LIMCH1: variants seen among roughly 807,000 people sequenced by gnomAD.
LIMCH1 encodes the protein LIM and calponin homology domains-containing protein 1.
In LIMCH1, 113 loss-of-function variants were observed where a neutral mutation model predicts 176.5. That is an observed-to-expected ratio of 0.64 (90% CI 0.55 to 0.75). The LOEUF is 0.75. Among genes scored for constraint, LIMCH1 ranks in the 30% least tolerant of loss-of-function variants. The probability of loss-of-function intolerance (pLI) is 0.00; values close to 1 mark genes in which losing one functional copy is unlikely to be tolerated. For synonymous variants in LIMCH1, 619 were observed against 645.9 expected (o/e 0.96, Z 0.63); for missense variants, 1,674 against 1,814.9 (o/e 0.92, Z 1.41).
At chr4:41,598,548 G>T (rs1226343588) in intron 1 of LIMCH1, among the ~76,000 whole-genome samples, 1 of 151,878 alleles carries the variant, frequency 6.6e-6, no homozygotes, top group African/African-American at 2.4e-5. Context: ...AGAAAGAAAA[G>T]AAAAGAAATC....
chr4:41,684,144 A>G (rs1474752996), intron 26 of LIMCH1, among the ~76,000 whole-genome samples: 4 of 152,234 alleles, frequency 2.6e-5, no homozygotes, highest in African/African-American at 9.6e-5. Context: ...ATTCCTTGAA[A>G]TTATTAGAAT....
At chr4:41,654,149 T>A (rs962625366) in intron 18 of LIMCH1, among the ~76,000 whole-genome samples, 1 of 152,204 alleles carries the variant, frequency 6.6e-6, no homozygotes, top group Non-Finnish European at 1.5e-5. Context: ...TGACTTAGGA[T>A]GGTTCACCTT....
At chr4:41,471,610 T>C (rs888736717) in intron 1 of LIMCH1, among the ~76,000 whole-genome samples, 2 of 152,222 alleles carry the variant, frequency 1.3e-5, no homozygotes, top group African/African-American at 2.4e-5. Flanking sequence ...ATCCAGCGTT[T>C]ATCCTCCTAG....
intron 26 of LIMCH1, among the ~76,000 whole-genome samples, chr4:41,683,384 A>G (rs1717899969): frequency 6.6e-6 from 1 of 152,118 alleles, no homozygotes; most frequent in South Asian, 2.1e-4. Context: ...TAATGGGTTT[A>G]TTCATGCCAC....
At chr4:41,522,863 A>G (rs1302090462) in intron 2 of LIMCH1, among the ~76,000 whole-genome samples, 7 of 152,222 alleles carry the variant, frequency 4.6e-5, no homozygotes, top group Non-Finnish European at 8.8e-5. Flanking sequence ...AAAATAAGTT[A>G]TAAAGAAGCA....
At chr4:41,478,153 A>C (rs1272510543) in intron 1 of LIMCH1, among the ~76,000 whole-genome samples, 1 of 152,232 alleles carries the variant, frequency 6.6e-6, no homozygotes, top group Non-Finnish European at 1.5e-5. Context: ...TATAAAATGT[A>C]ACACAAGTAC....
At chr4:41,534,076 G>A (rs1056881080), upstream of LIMCH1, among the ~76,000 whole-genome samples, 1 of 152,190 alleles carries the variant, frequency 6.6e-6, no homozygotes, top group African/African-American at 2.4e-5. Context: ...TCGTGTTCCA[G>A]ATAACTGAGG....
chr4:41,649,876 A>G (rs2094216863), intron 17 of LIMCH1, among the ~76,000 whole-genome samples: 1 of 152,232 alleles, frequency 6.6e-6, no homozygotes, highest in African/African-American at 2.4e-5. Context: ...ACTGTAACAG[A>G]GCATAGTCTC....
chr4:41,386,046 AG>A (rs752242191), intron 1 of LIMCH1: 21 of 152,254 alleles, frequency 1.4e-4, no homozygotes, highest in Admixed American at 1.2e-3. Flanking sequence ...GTGTCAAAAA[AG>A]AAATAATACA....
intron 1 of LIMCH1, among the ~76,000 whole-genome samples, chr4:41,585,545 A>G (rs1157367497): frequency 6.6e-6 from 1 of 152,184 alleles, no homozygotes; most frequent in African/African-American, 2.4e-5. Flanking sequence ...TATTTTGGGC[A>G]TATACCTAAA....
chr4:41,439,236 C>G (rs1308488930), intron 1 of LIMCH1, among the ~76,000 whole-genome samples: 1 of 152,140 alleles, frequency 6.6e-6, no homozygotes, highest in Non-Finnish European at 1.5e-5. Context: ...ATAGGAAAAA[C>G]ACCAAGTGAT....
At chr4:41,457,346 A>T (rs1013223530) in intron 1 of LIMCH1, among the ~76,000 whole-genome samples, 2 of 152,098 alleles carry the variant, frequency 1.3e-5, no homozygotes, top group Non-Finnish European at 2.9e-5. Context: ...AGAATTATGG[A>T]TTGATATTTT....
Position 41,423,188 on chromosome 4 carries a change from C to T in LIMCH1, c.96+62252C>T, listed in dbSNP as rs144506891. ...ATAAACATCAGCGTCAGACACCCTC[C>T]GTATGATATGGAGAAGTAAAGAAAG... On this transcript the variant is annotated intron_variant, in intron 1 of 26. Transcript: ENST00000313860. Among the ~76,000 whole-genome samples, 702 of 152,248 alleles carry T rather than the reference C, an allele frequency of 4.6e-3. 3 individuals carry two copies. The highest frequency in any genetic ancestry group is 0.015 in the African/African-American group (644 of 41,558).
intron 1 of LIMCH1, among the ~76,000 whole-genome samples, chr4:41,577,999 T>C (rs2084780974): frequency 6.6e-6 from 1 of 152,200 alleles, no homozygotes; most frequent in African/African-American, 2.4e-5. Context: ...TGTATTTCTT[T>C]AGGATAGATT....
rs796569735 is a variant in LIMCH1 at position 41,486,959 on chromosome 4, T to TAC, written c.97-7565_97-7564dup. Reference sequence around the variant, plus strand: ...ACCACGCCCAGCTGATATATATATATACACACACACACATACATACACACA... The same window carrying TAC: ...ACCACGCCCAGCTGATATATATATATACACACACACACACATACATACACACA... On this transcript the variant is annotated intron_variant, in intron 1 of 26. Coordinates refer to the LIMCH1 transcript ENST00000313860. 3.1e-3 allele frequency among the ~76,000 whole-genome samples: 356 copies of TAC among 116,056 alleles called. 2 individuals are homozygous for TAC. The highest frequency in any genetic ancestry group is 0.011 in the African/African-American group (338 of 29,456). The allele number at this position is 116,056 out of a possible 152,430, so 76.1% of individuals were successfully genotyped here. A position where few individuals can be genotyped will look rare whatever the true frequency, so the allele number is the denominator to read the frequency against.
rs563438381 is a variant in LIMCH1 at position 41,594,028 on chromosome 4, T to C, written c.-240-4892T>C. On this transcript the variant is annotated intron_variant, in intron 1 of 31. Transcript: ENST00000503057. The stretch of plus-strand genomic sequence containing the variant: ...GTTATGTTACTGACATTATGATAAT[T>C]CACCCCTAAATAATTCATGTGGATG... Among the ~76,000 whole-genome samples the C allele has an allele frequency of 2.6e-5, 4 of 152,342 alleles. No homozygotes were observed. The East Asian group carries it at 7.7e-4, about 29-fold the overall frequency.
rs189147758 is a variant in LIMCH1 at position 41,363,521 on chromosome 4, C to T, written c.96+2585C>T. On this transcript the variant is annotated intron_variant, in intron 1 of 26. Transcript: ENST00000313860. ...AATAAACAAACTTTGCTGCTTGTCT[C>T]GCCTCGATTCTTGGTCTTCCTTGAG... is the stretch of plus-strand genomic sequence containing the variant. 9.9e-5 allele frequency among the ~76,000 whole-genome samples: 15 copies of T among 152,254 alleles called. No homozygotes were observed. In the East Asian group the frequency reaches 1.7e-3, roughly 18 times the overall value.
chr4:41,489,468 A>T (rs1251736423), intron 1 of LIMCH1, among the ~76,000 whole-genome samples: 1 of 151,978 alleles, frequency 6.6e-6, no homozygotes, highest in Non-Finnish European at 1.5e-5. Flanking sequence ...GTGTCTTTCC[A>T]TACATTTTGA....
chr4:41,692,334 G>C lies in LIMCH1; in HGVS notation c.4328G>C (p.Arg1443Thr), dbSNP rs753351033. The change falls in exon 31 of 32, where the codon AGG (arginine) becomes ACG (threonine). Residue 1443 changes from arginine (R) to threonine (T), a missense_variant. Arg to Thr is a moderately conservative substitution (Grantham distance 71). Coordinates refer to ENST00000503057, the MANE Select transcript of LIMCH1 (RefSeq NM_001330672.2). ...LGDAVSGTDV[R>T]IRNGLLNCND... is the part of the protein sequence containing the mutation. ...GATGCAGTGAGTGGGACGGATGTTAGGATTCGAAATGGTCTCCTGAACTGT... is the reference window on the plus strand; with the variant it reads ...GATGCAGTGAGTGGGACGGATGTTACGATTCGAAATGGTCTCCTGAACTGT... 1 of 1,613,672 alleles carries C rather than the reference G, an allele frequency of 6.2e-7. No homozygotes were observed. Among genetic ancestry groups the C allele is most frequent in the South Asian group, 1.1e-5 (1 of 91,072 alleles).
Sources: gnomAD v4.1 joint callset for allele counts (sites outside exome capture counted in the v4.1 genomes callset) on GRCh38, gnomAD v4.1.1 for gene constraint, MANE v1.5 for transcripts, NCBI Gene and HGNC (gene_info 2026-07-23, HGNC 2026-07-21) for gene names.